UCP3: variants seen among roughly 807,000 people sequenced by gnomAD.
UCP3 encodes the protein uncoupling protein 3.
UCP3 carries 24 observed loss-of-function variants against 28.1 expected under a neutral mutation model. The observed-to-expected ratio is 0.85, with a 90% CI of 0.62 to 1.20. The LOEUF is 1.20. Among genes scored for constraint, UCP3 ranks in the 50% most tolerant of loss-of-function variants. The pLI, the probability that UCP3 is intolerant of heterozygous loss-of-function variation, is 0.00. For synonymous variants in UCP3, 184 were observed against 171.2 expected (o/e 1.07, Z -0.59); for missense variants, 397 against 422.2 (o/e 0.94, Z 0.52).
chr11:74,001,123 T>A lies in UCP3; in HGVS notation c.*289A>T, dbSNP rs1235634784. On this transcript the variant is annotated 3_prime_UTR_variant, in exon 7 of 7. Transcript: ENST00000314032. Reference sequence around the variant, plus strand: ...CTTCCATTTTGTCCAAATGGATCTATCTTGGTTTATTTTCTCTTGCCTAAA... The same window carrying A: ...CTTCCATTTTGTCCAAATGGATCTAACTTGGTTTATTTTCTCTTGCCTAAA... 4 of 441,860 alleles carry A rather than the reference T, an allele frequency of 9.1e-6. No individual in the cohort carries two copies. Among genetic ancestry groups the A allele is most frequent in the Non-Finnish European group, 1.6e-5 (4 of 242,908 alleles). The allele number at this position is 441,860 out of a possible 1,614,324, so 27.4% of individuals were successfully genotyped here.
rs1260221891 is a variant in UCP3, at chr11:74,003,583, G to A, written c.824+244C>T. On this transcript the variant is annotated intron_variant, in intron 6 of 6. Coordinates refer to ENST00000314032, the MANE Select transcript of UCP3 (RefSeq NM_003356.4). The stretch of plus-strand genomic sequence containing the variant: ...GTCTCAGGATTGCTAACTTCCTCTG[G>A]AGACAGGCAGTACTTTTACCTATTC... 8 of 1,244,256 alleles carry A rather than the reference G, an allele frequency of 6.4e-6. No homozygotes were observed. In the African/African-American group the frequency reaches 1.1e-4, roughly 17 times the overall value. 77.1% of individuals were successfully genotyped at this position (1,244,256 alleles called of 1,614,324 possible).
At chr11:74,003,419 T>C in intron 6 of UCP3, 1 of 985,646 alleles carries the variant, frequency 1.0e-6, no homozygotes, top group African/African-American at 1.7e-5. Context: ...ATGGCTAAAA[T>C]TGACAGCCTG....
At chr11:74,003,325 G>T in intron 6 of UCP3, 2 of 275,932 alleles carry the variant, frequency 7.2e-6, no homozygotes, top group Non-Finnish European at 1.1e-5. Flanking sequence ...GTATCAAATG[G>T]CATTGCAGAA....
rs763793623 is a variant in UCP3, at chr11:74,003,908, G to A, written c.743C>T (p.Ser248Leu). ...VDVVKTRYMNSPPGQYFSPLD... is the reference protein window; with the variant it reads ...VDVVKTRYMNLPPGQYFSPLD... ...GGGGCTGAAGTACTGGCCTGGAGGTGAGTTCATATACCGGGTCTTCACCAC... is the reference window on the plus strand; with the variant it reads ...GGGGCTGAAGTACTGGCCTGGAGGTAAGTTCATATACCGGGTCTTCACCAC... The change falls in exon 6 of 7, where the codon TCA becomes TTA. Residue 248 changes from serine (S) to leucine (L), a missense_variant. Coordinates refer to ENST00000314032, the MANE Select transcript of UCP3 (RefSeq NM_003356.4). 5 of 1,614,196 alleles carry A rather than the reference G, an allele frequency of 3.1e-6. No homozygotes were observed. The highest frequency in any genetic ancestry group is 4.2e-6 in the Non-Finnish European group (5 of 1,180,048).
chr11:74,002,446 C>T (rs1951628896), intron 6 of UCP3, among the ~76,000 whole-genome samples: 1 of 152,188 alleles, frequency 6.6e-6, no homozygotes, highest in Non-Finnish European at 1.5e-5. Flanking sequence ...TCTAGCTTTA[C>T]AATCTGGACA....
chr11:74,006,331 G>C lies in UCP3; in HGVS notation c.175C>G (p.Arg59Gly). 6.3e-7 allele frequency: 1 copy of C among 1,598,616 alleles called. No homozygotes were observed. Among genetic ancestry groups the C allele is most frequent in the Non-Finnish European group, 8.5e-7 (1 of 1,173,646 alleles). Residue 59 changes from arginine to glycine, a missense_variant, in exon 3 of 7, where the codon CGT (arginine) becomes GGT (glycine). Arg to Gly is a moderately radical substitution (Grantham distance 125). Coordinates refer to ENST00000314032, the MANE Select transcript of UCP3 (RefSeq NM_003356.4). ...GTCAGGATGGTGCCCAGCACGCCAC[G>C]GTACTGCACGAGCCGGGCCGTCTGG... ...AVQTARLVQY[R>G]GVLGTILTMV...
At chr11:74,003,594 T>C in intron 6 of UCP3, 4 of 1,276,252 alleles carry the variant, frequency 3.1e-6, no homozygotes, top group Non-Finnish European at 4.0e-6. Context: ...AGACAGGCAG[T>C]ACTTTTACCT....
Position 74,000,989 on chromosome 11 carries a change from C to T in UCP3, c.*423G>A, listed in dbSNP as rs70965456. On this transcript the variant is annotated 3_prime_UTR_variant, in exon 7 of 7. Transcript: ENST00000314032. The stretch of plus-strand genomic sequence containing the variant: ...TGCTGGGTGGCATCCCTCCAGGCTC[C>T]GTGGCTGATCTCCCACTCCATTGTG... 23 of 229,292 alleles carry T rather than the reference C, an allele frequency of 1.0e-4. No homozygotes were observed. Among genetic ancestry groups the T allele is most frequent in the East Asian group, 4.1e-4 (4 of 9,764 alleles). The allele number at this position is 229,292 out of a possible 1,614,324, so 14.2% of individuals were successfully genotyped here.
intron 6 of UCP3, 181 bp from the exon 7 acceptor site, chr11:74,001,707 AAGTCGG>A: frequency 1.6e-6 from 1 of 608,798 alleles, no homozygotes. Context: ...ATTTAGGCAG[AAGTCGG>A]AGTAAGGAAA....
At chr11:74,005,297 C>A (rs1951654069) in intron 4 of UCP3, among the ~76,000 whole-genome samples, 1 of 152,186 alleles carries the variant, frequency 6.6e-6, no homozygotes, top group Non-Finnish European at 1.5e-5. Flanking sequence ...TTCCTCCGGA[C>A]CCTGCTTGAG....
chr11:74,003,886 G>A lies in UCP3; in HGVS notation c.765C>T (p.Ser255=), dbSNP rs1164179742. 1.9e-6 allele frequency: 3 copies of A among 1,614,036 alleles called. No individual in the cohort carries two copies. Among genetic ancestry groups the A allele is most frequent in the African/African-American group, 2.7e-5 (2 of 74,910 alleles). Residue 255 remains serine, a synonymous_variant, in exon 6 of 7, where the codon AGC becomes AGT. Transcript: ENST00000314032. ...YMNSPPGQYF[S]PLDCMIKMVA... ...CCATCTTTATCATACAGTCGAGGGG[G>A]CTGAAGTACTGGCCTGGAGGTGAGT...
intron 1 of UCP3, among the ~76,000 whole-genome samples, chr11:74,008,728 G>C (rs1202777079): frequency 6.6e-6 from 1 of 152,206 alleles, no homozygotes; most frequent in Non-Finnish European, 1.5e-5. Flanking sequence ...CAAGGCAAAG[G>C]GGGTGTGAGT....
chr11:74,003,575 T>C, intron 6 of UCP3: 1 of 1,221,810 alleles, frequency 8.2e-7, no homozygotes, highest in Non-Finnish European at 1.0e-6. Flanking sequence ...GATTGCTAAC[T>C]TCCTCTGGAG....
intron 4 of UCP3, 135 bp from the exon 5 acceptor site, chr11:74,004,720 G>T: frequency 1.3e-6 from 1 of 743,992 alleles, no homozygotes; most frequent in Non-Finnish European, 2.2e-6. Flanking sequence ...AATGGTCTCA[G>T]CCAGAGGATC....
chr11:74,006,925 G>A lies in UCP3; in HGVS notation c.118C>T (p.Arg40Cys), dbSNP rs199727434. 28 of 1,614,198 alleles carry A rather than the reference G, an allele frequency of 1.7e-5. No individual in the cohort carries two copies. In the East Asian group the frequency reaches 2.2e-4, roughly 13 times the overall value. ...VTFPLDTAKV[R>C]LQIQGENQAV... is the part of the protein sequence containing the mutation. ...GGCCAAAGGGCACCTACCTGCAGGCGGACCTTGGCTGTGTCCAGTGGAAAG... is the reference window on the plus strand; with the variant it reads ...GGCCAAAGGGCACCTACCTGCAGGCAGACCTTGGCTGTGTCCAGTGGAAAG... The change falls in exon 2 of 7, where the codon CGC becomes TGC. Residue 40 changes from arginine (R) to cysteine (C), a missense_variant. Transcript: ENST00000314032.
chr11:74,006,069 C>T lies in UCP3; in HGVS notation c.337+100G>A, dbSNP rs1354198643. ...CCTCATAAGCGTCCGGTACCAGCTT[C>T]CCCCCGCCCCTGGCTCTGCCTCTGA... On this transcript the variant is annotated intron_variant, in intron 3 of 6. Coordinates refer to ENST00000314032, the MANE Select transcript of UCP3 (RefSeq NM_003356.4). 2.6e-6 allele frequency: 4 copies of T among 1,564,500 alleles called. No individual in the cohort carries two copies. In the Admixed American group the frequency reaches 5.7e-5, roughly 22 times the overall value.
At chr11:74,008,786 A>C (rs867888761) in intron 1 of UCP3, among the ~76,000 whole-genome samples, 192 bp downstream of exon 1, 1 of 152,204 alleles carries the variant, frequency 6.6e-6, no homozygotes, top group Non-Finnish European at 1.5e-5. Context: ...GCCCTGCCAC[A>C]GTACCCTCAT....
At chr11:74,006,471 G>C in intron 2 of UCP3, 92 bp from the exon 3 acceptor site, 4 of 1,320,762 alleles carry the variant, frequency 3.0e-6, no homozygotes, top group Non-Finnish European at 4.0e-6. Context: ...GCCTGCCTGG[G>C]CTGGGCCTGA....
At position 74,004,466 on chromosome 11, in the gene UCP3, T is replaced by C. The variant is rs780765847; in HGVS notation, c.643+18A>G. On this transcript the variant is annotated intron_variant, in intron 5 of 6. Transcript: ENST00000314032. ...CCCTGCTGAGGGAGAGCTGCCTGCC[T>C]GGAGCCCAGGGCCTCACCAGTGAGC... The C allele has an allele frequency of 6.2e-7, 1 of 1,613,088 alleles. No homozygotes were observed. Among genetic ancestry groups the C allele is most frequent in the Non-Finnish European group, 8.5e-7 (1 of 1,179,184 alleles).
Sources: allele counts gnomAD v4.1 joint callset (sites outside exome capture counted in the v4.1 genomes callset), GRCh38; gene constraint gnomAD v4.1.1; transcripts MANE v1.5; gene names NCBI Gene and HGNC (gene_info 2026-07-23, HGNC 2026-07-21).